HOOK3: variants seen among roughly 807,000 people sequenced by gnomAD.
HOOK3 encodes the protein protein Hook homolog 3.
HOOK3 carries 24 observed loss-of-function variants against 116.3 expected under a neutral mutation model. The observed-to-expected ratio is 0.21, with a 90% CI of 0.15 to 0.29. The LOEUF is 0.29. Ranked by LOEUF, HOOK3 falls within the 10% of genes least tolerant of loss-of-function variation. The probability of loss-of-function intolerance (pLI) is 1.00; values close to 1 mark genes in which losing one functional copy is unlikely to be tolerated. For synonymous variants in HOOK3, 275 were observed against 283.0 expected (o/e 0.97, Z 0.28); for missense variants, 632 against 830.2 (o/e 0.76, Z 2.93).
chr8:42,919,429 G>A (rs1356429006), intron 2 of HOOK3, among the ~76,000 whole-genome samples: 2 of 151,012 alleles, frequency 1.3e-5, no homozygotes, highest in Non-Finnish European at 3.0e-5. Context: ...ACGATGGGCG[G>A]CTGGGCAGAG....
intron 4 of HOOK3, among the ~76,000 whole-genome samples, chr8:42,940,581 C>T (rs1200091118): frequency 6.6e-6 from 1 of 152,302 alleles, no homozygotes; most frequent in East Asian, 1.9e-4. Flanking sequence ...TTAGCTCCCA[C>T]TCTCTTCTGG....
intron 15 of HOOK3, among the ~76,000 whole-genome samples, chr8:42,995,000 A>G (rs1216560706): frequency 6.6e-6 from 1 of 152,254 alleles, no homozygotes; most frequent in Non-Finnish European, 1.5e-5. Context: ...AAAAGAGTGA[A>G]CAGTATTGTG....
At chr8:42,941,517 C>CAAAA (rs960451235) in intron 4 of HOOK3, among the ~76,000 whole-genome samples, 904 of 44,022 alleles carry the variant, frequency 0.021, 10 homozygotes, top group Non-Finnish European at 0.035. Flanking sequence ...GACTCCGTCT[C>CAAAA]AAAAAAAAAA....
chr8:42,904,935 G>T (rs577517360), intron 1 of HOOK3, among the ~76,000 whole-genome samples: 101 of 152,284 alleles, frequency 6.6e-4, no homozygotes, highest in African/African-American at 2.3e-3. Flanking sequence ...AGGATGGCCT[G>T]TGTCTGTCTG....
At chr8:43,009,837 C>T (rs944154940) in intron 18 of HOOK3, among the ~76,000 whole-genome samples, 1 of 152,132 alleles carries the variant, frequency 6.6e-6, no homozygotes, top group African/African-American at 2.4e-5. Context: ...CTCTCCCCAG[C>T]CGCTAATAAC....
chr8:43,005,180 GCT>G (rs577303409), intron 17 of HOOK3, among the ~76,000 whole-genome samples: 3,648 of 113,230 alleles, frequency 0.032, 130 homozygotes, highest in African/African-American at 0.085. Context: ...AAAATTAAGT[GCT>G]CTCTCTCTCT....
At chr8:42,918,145 C>G (rs544266846) in intron 2 of HOOK3, among the ~76,000 whole-genome samples, 1 of 152,256 alleles carries the variant, frequency 6.6e-6, no homozygotes, top group African/African-American at 2.4e-5. Flanking sequence ...CGAGACCAGC[C>G]TGGCCAACAT....
intron 5 of HOOK3, among the ~76,000 whole-genome samples, chr8:42,946,353 C>T: frequency 6.6e-6 from 1 of 152,038 alleles, no homozygotes; most frequent in Non-Finnish European, 1.5e-5. Context: ...ATAGTAGAAG[C>T]TGAATGTAGG....
At chr8:42,979,870 G>A (rs1041421662) in intron 13 of HOOK3, among the ~76,000 whole-genome samples, 5 of 151,078 alleles carry the variant, frequency 3.3e-5, no homozygotes, top group Admixed American at 6.6e-5. Context: ...AAAATATATC[G>A]TTTGTGATTA....
At chr8:42,924,061 T>A (rs1187993770) in intron 2 of HOOK3, among the ~76,000 whole-genome samples, 1 of 152,218 alleles carries the variant, frequency 6.6e-6, no homozygotes, top group African/African-American at 2.4e-5. Context: ...TATTTATCAG[T>A]ATGAGTTACA....
chr8:42,959,591 C>T (rs891212454), intron 8 of HOOK3, among the ~76,000 whole-genome samples: 15 of 151,426 alleles, frequency 9.9e-5, no homozygotes, highest in Admixed American at 5.3e-4. Flanking sequence ...TGATGGCGGG[C>T]GCCTGTAATC....
rs767562871 is a variant in HOOK3, at chr8:43,030,343, G to A, written c.*11845G>A. ...TATCATTTACTCATTTTAATTTTAC[G>A]ACTGCCAACTTGTTACGGTATTAAT... On this transcript the variant is annotated 3_prime_UTR_variant, in exon 22 of 22. Coordinates refer to ENST00000307602, the MANE Select transcript of HOOK3 (RefSeq NM_032410.4). 10 of 182,518 alleles carry A rather than the reference G, an allele frequency of 5.5e-5. No individual in the cohort carries two copies. The highest frequency in any genetic ancestry group is 1.2e-4 in the African/African-American group (5 of 42,460). The allele number at this position is 182,518 out of a possible 1,614,324, so 11.3% of individuals were successfully genotyped here.
At chr8:42,927,380 C>T (rs1262115792) in intron 3 of HOOK3, among the ~76,000 whole-genome samples, 1 of 151,372 alleles carries the variant, frequency 6.6e-6, no homozygotes, top group Non-Finnish European at 1.5e-5. Flanking sequence ...CCTCGGTCTC[C>T]CGAGTAGCTG....
chr8:42,974,061 T>C (rs771934291), intron 12 of HOOK3, 46 bp from the exon 13 acceptor site: 1 of 1,376,704 alleles, frequency 7.3e-7, no homozygotes, highest in Non-Finnish European at 1.0e-6. Context: ...GATGAATAAA[T>C]TCTTAAAACG....
intron 2 of HOOK3, among the ~76,000 whole-genome samples, chr8:42,919,706 T>C (rs1303059144): frequency 1.3e-5 from 2 of 152,168 alleles, no homozygotes; most frequent in Non-Finnish European, 2.9e-5. Context: ...CTCGGGAGGC[T>C]GAGGCTGGCA....
At chr8:42,992,099 T>C (rs562291781) in intron 15 of HOOK3, among the ~76,000 whole-genome samples, 17 of 152,252 alleles carry the variant, frequency 1.1e-4, no homozygotes, top group African/African-American at 3.9e-4. Context: ...TGTTGGCCTA[T>C]AGAAATGTTA....
At position 43,026,583 on chromosome 8, in the gene HOOK3, G is replaced by A. The variant is rs917202112; in HGVS notation, c.*8085G>A. 9.2e-6 allele frequency: 2 copies of A among 217,242 alleles called. No homozygotes were observed. The highest frequency in any genetic ancestry group is 1.9e-5 in the Non-Finnish European group (2 of 108,086). 13.5% of individuals were successfully genotyped at this position (217,242 alleles called of 1,614,324 possible). A position where few individuals can be genotyped will look rare whatever the true frequency, so the allele number is the denominator to read the frequency against. The stretch of plus-strand genomic sequence containing the variant: ...ACACCCTTGAAACTTGATGCTTTCT[G>A]AAGTTGTATTCATAAAAATTATCCC... On this transcript the variant is annotated 3_prime_UTR_variant, in exon 22 of 22. Transcript: ENST00000307602.
chr8:42,959,361 A>G (rs1586610145), intron 8 of HOOK3, 47 bp downstream of exon 8: 1 of 1,148,996 alleles, frequency 8.7e-7, no homozygotes, highest in South Asian at 1.2e-5. Context: ...ATACCACTGT[A>G]AATACCACCA....
At position 43,018,526 on chromosome 8, in the gene HOOK3, C is replaced by T. The variant is rs1314258988; in HGVS notation, c.*28C>T. On this transcript the variant is annotated 3_prime_UTR_variant, in exon 22 of 22. Coordinates refer to ENST00000307602, the MANE Select transcript of HOOK3 (RefSeq NM_032410.4). ...AAGTTGTGCCGCTCAATCACAGACA[C>T]CTGCACCCACAACATACTTCTGTTA... 6.3e-7 allele frequency: 1 copy of T among 1,576,954 alleles called. No homozygotes were observed. The highest frequency in any genetic ancestry group is 1.2e-5 in the South Asian group (1 of 84,980).
Sources: gnomAD v4.1 joint callset for allele counts (sites outside exome capture counted in the v4.1 genomes callset) on GRCh38, gnomAD v4.1.1 for gene constraint, MANE v1.5 for transcripts, NCBI Gene and HGNC (gene_info 2026-07-23, HGNC 2026-07-21) for gene names.